DOCK8: variants seen among roughly 807,000 people sequenced by gnomAD.
The protein encoded by DOCK8 is dedicator of cytokinesis protein 8.
Under a neutral mutation model 245.6 loss-of-function variants are expected in DOCK8, and 141 were observed. That is an observed-to-expected ratio of 0.57 (90% CI 0.50 to 0.66). DOCK8 has a LOEUF of 0.66. Among genes scored for constraint, DOCK8 ranks in the 30% least tolerant of loss-of-function variants. DOCK8 has a pLI of 0.00. For synonymous variants in DOCK8, 1,168 were observed against 970.2 expected (o/e 1.20, Z -3.79); for missense variants, 2,965 against 2,603.4 (o/e 1.14, Z -3.02).
rs1024003318 is a variant in DOCK8, at chr9:261,497, T to C, written c.54-10130T>C. On this transcript the variant is annotated intron_variant, in intron 1 of 47. Coordinates refer to ENST00000432829, the MANE Select transcript of DOCK8 (RefSeq NM_203447.4). ...CTACTCTATATGATTTCTGGACCTT[T>C]GCAATTTGTTAAGATTTGTTTTATG... 2.4e-4 allele frequency among the ~76,000 whole-genome samples: 37 copies of C among 152,234 alleles called. 1 individual carries two copies. The highest frequency in any genetic ancestry group is 1.2e-4 in the Non-Finnish European group (8 of 68,034).
chr9:444,014 T>C (rs2057171150), intron 43 of DOCK8, among the ~76,000 whole-genome samples: 2 of 152,188 alleles, frequency 1.3e-5, no homozygotes, highest in Non-Finnish European at 2.9e-5. Flanking sequence ...CTTCCTTCTT[T>C]AGGCTGCAAG....
chr9:213,885 G>C (rs185119358), upstream of DOCK8: 4 of 152,190 alleles, frequency 2.6e-5, no homozygotes, highest in African/African-American at 9.6e-5. Flanking sequence ...GCGCCACCAC[G>C]CCCGGCTAAT....
At chr9:282,549 C>T (rs918493527) in intron 2 of DOCK8, among the ~76,000 whole-genome samples, 2 of 150,936 alleles carry the variant, frequency 1.3e-5, no homozygotes, top group Admixed American at 6.6e-5. Flanking sequence ...TTTGGAGTAG[C>T]CAGCAGTATA....
At chr9:293,095 T>C (rs1459946877) in intron 4 of DOCK8, among the ~76,000 whole-genome samples, 2 of 152,218 alleles carry the variant, frequency 1.3e-5, no homozygotes, top group South Asian at 2.1e-4. Context: ...CCCTGTGTAA[T>C]GGAGCAGTTC....
intron 46 of DOCK8, among the ~76,000 whole-genome samples, chr9:458,782 C>T (rs1429656145): frequency 1.3e-5 from 2 of 152,052 alleles, no homozygotes; most frequent in East Asian, 3.9e-4. Context: ...CTGCCTTCCA[C>T]CCTGCATGAC....
chr9:386,352 C>G lies in DOCK8; in HGVS notation c.2800C>G (p.Arg934Gly), dbSNP rs1243539520. 3.7e-6 allele frequency: 6 copies of G among 1,613,822 alleles called. No homozygotes were observed. The highest frequency in any genetic ancestry group is 1.7e-4 in the Middle Eastern group (1 of 6,060). ...TTAGATCGCCGATCGCAACTGCAGC[C>G]GAATGTCTTACTATTGCTCTGGCAG... ...SSKIADRNCS[R>G]MSYYCSGSSD... The change falls in exon 23 of 48, where the codon CGA becomes GGA. Residue 934 changes from arginine to glycine, a missense_variant. Coordinates refer to ENST00000432829, the MANE Select transcript of DOCK8 (RefSeq NM_203447.4).
In DOCK8 at chr9:304,567, A is replaced by G. The variant is rs1222590821; in HGVS notation, c.405-14A>G. 34 of 1,613,994 alleles carry G rather than the reference A, an allele frequency of 2.1e-5. No homozygotes were observed. Among genetic ancestry groups the G allele is most frequent in the Middle Eastern group, 1.6e-4 (1 of 6,062 alleles). ...CCCTCTTTCTCTCTCCAAATTAAAT[A>G]TCAACCATAAAAGAAACCAAGGAAG... On this transcript the variant is annotated splice_polypyrimidine_tract_variant and intron_variant, in intron 4 of 47. Transcript: ENST00000432829.
intron 46 of DOCK8, chr9:454,712 C>G (rs1430159194): frequency 6.6e-6 from 1 of 152,220 alleles, no homozygotes; most frequent in Admixed American, 6.5e-5. Flanking sequence ...TTTTCATTTA[C>G]TTCAGTTTGC....
chr9:337,124 G>T (rs567148892), intron 12 of DOCK8, among the ~76,000 whole-genome samples: 1 of 152,144 alleles, frequency 6.6e-6, no homozygotes, highest in South Asian at 2.1e-4. Context: ...CAGTCATGAG[G>T]GCAGAGTCCT....
At chr9:448,012 CCTTTT>C (rs56211830) in intron 44 of DOCK8, among the ~76,000 whole-genome samples, 15 of 151,486 alleles carry the variant, frequency 9.9e-5, no homozygotes, top group African/African-American at 2.9e-4. Flanking sequence ...CATTTCAAAA[CCTTTT>C]CTTTTCTTCA....
At chr9:443,250 A>G (rs1040262739) in intron 42 of DOCK8, among the ~76,000 whole-genome samples, 177 bp from the exon 43 acceptor site, 7 of 152,296 alleles carry the variant, frequency 4.6e-5, no homozygotes, top group African/African-American at 1.7e-4. Flanking sequence ...TGACAGTGCT[A>G]TTTTTATTTT....
intron 19 of DOCK8, 98 bp from the exon 20 acceptor site, chr9:376,879 A>G: frequency 9.3e-7 from 1 of 1,076,084 alleles, no homozygotes; most frequent in Non-Finnish European, 1.4e-6. Context: ...GCTGGATAAG[A>G]GGTTCTACCC....
chr9:330,244 G>C lies in DOCK8; in HGVS notation c.1044+2073G>C, dbSNP rs560519280. ...TTGTTTTACAATCAAGGAAAGAAGAGTGAAAATGGGATTGAATTGGAAACT... is the reference window on the plus strand; with the variant it reads ...TTGTTTTACAATCAAGGAAAGAAGACTGAAAATGGGATTGAATTGGAAACT... On this transcript the variant is annotated intron_variant, in intron 9 of 47. Transcript: ENST00000432829. Among the ~76,000 whole-genome samples the C allele has an allele frequency of 2.5e-4, 38 of 152,252 alleles. 1 individual carries two copies. Among genetic ancestry groups the C allele is most frequent in the African/African-American group, 9.1e-4 (38 of 41,548 alleles).
chr9:434,367 G>T (rs2056821706), intron 38 of DOCK8, among the ~76,000 whole-genome samples: 1 of 152,084 alleles, frequency 6.6e-6, no homozygotes, highest in East Asian at 1.9e-4. Context: ...TTTAAAAGTT[G>T]GTCTTCCAGT....
At chr9:303,977 A>C (rs2049684496) in intron 4 of DOCK8, among the ~76,000 whole-genome samples, 1 of 152,208 alleles carries the variant, frequency 6.6e-6, no homozygotes, top group Non-Finnish European at 1.5e-5. Flanking sequence ...TACCTTTCTT[A>C]TGATGGTCTG....
intron 2 of DOCK8, among the ~76,000 whole-genome samples, chr9:282,144 G>T (rs764710545): frequency 2.6e-5 from 4 of 152,130 alleles, no homozygotes; most frequent in Admixed American, 6.5e-5. Flanking sequence ...TGAGAAAGTT[G>T]CACATTTCAC....
intron 12 of DOCK8, among the ~76,000 whole-genome samples, chr9:338,695 T>C (rs913243900): frequency 6.6e-6 from 1 of 151,978 alleles, no homozygotes. Flanking sequence ...AATACTGGCA[T>C]CAGAGGGTGA....
rs142555294 is a variant in DOCK8 at position 368,033 on chromosome 9, C to A, written c.1695C>A (p.Val565=). The change falls in exon 15 of 48, where the codon GTC becomes GTA. Residue 565 remains valine, a synonymous_variant. Transcript: ENST00000432829. The part of the protein sequence containing the change: ...PHTVYRNLLY[V]YPQRLNFVNK... ...TCTTTTCCAGAAACCTTCTCTATGT[C>A]TACCCACAGAGGCTGAACTTTGTAA... 1 of 1,613,554 alleles carries A rather than the reference C, an allele frequency of 6.2e-7. No individual in the cohort carries two copies. Among genetic ancestry groups the A allele is most frequent in the Non-Finnish European group, 8.5e-7 (1 of 1,179,456 alleles).
chr9:273,010 G>C (rs2048206365), intron 2 of DOCK8: 1 of 984,894 alleles, frequency 1.0e-6, no homozygotes, highest in South Asian at 4.7e-5. Flanking sequence ...TTCTGCCTTA[G>C]AAATTTTGTA....
Sources: allele counts gnomAD v4.1 joint callset (sites outside exome capture counted in the v4.1 genomes callset), GRCh38; gene constraint gnomAD v4.1.1; transcripts MANE v1.5; gene names NCBI Gene and HGNC (gene_info 2026-07-23, HGNC 2026-07-21).